Variants in NRG1 observed in about 807,000 individuals in gnomAD.
The protein encoded by NRG1 is pro-neuregulin-1, membrane-bound isoform.
Under a neutral mutation model 63.8 loss-of-function variants are expected in NRG1, and 18 were observed. The ratio of observed to expected loss-of-function variants is 0.28; its 90% CI spans 0.19 to 0.42. NRG1 has a LOEUF of 0.42. NRG1 is among the 10% of genes least tolerant of loss of function. The pLI is 1.00. For missense variants in NRG1, 762 were observed against 814.7 expected, an observed-to-expected ratio of 0.94 and a Z score of 0.79; for synonymous variants, 302 against 301.3, an observed-to-expected ratio of 1.00 and a Z score of -0.02.
chr8:31,641,132 T>G (rs968262458), intron 1 of NRG1, among the ~76,000 whole-genome samples: 2 of 152,152 alleles, frequency 1.3e-5, no homozygotes, highest in Non-Finnish European at 2.9e-5. Context: ...ACGCCTTCCC[T>G]TCACTTGGAG....
chr8:32,366,530 T>C (rs1314905187), intron 1 of NRG1, among the ~76,000 whole-genome samples: 1 of 151,872 alleles, frequency 6.6e-6, no homozygotes, highest in Non-Finnish European at 1.5e-5. Context: ...ACAGATTTCA[T>C]TCTTTTTATG....
intron 5 of NRG1, chr8:32,647,267 G>A (rs1040836629): frequency 6.1e-6 from 6 of 985,266 alleles, no homozygotes; most frequent in Admixed American, 6.1e-5. Flanking sequence ...CGCCACCGCC[G>A]CTGGTCCTCC....
At chr8:32,448,945 A>G (rs1241114855) in intron 1 of NRG1, among the ~76,000 whole-genome samples, 1 of 152,114 alleles carries the variant, frequency 6.6e-6, no homozygotes, top group Non-Finnish European at 1.5e-5. Flanking sequence ...TTGGGAGGTG[A>G]GTCTCTGAAT....
chr8:32,548,983 C>T (rs1446708102), intron 1 of NRG1, among the ~76,000 whole-genome samples, 157 bp downstream of exon 1: 2 of 152,222 alleles, frequency 1.3e-5, no homozygotes, highest in African/African-American at 4.8e-5. Flanking sequence ...TGCTTCCCCT[C>T]CTGGGGGCCG....
chr8:32,536,922 CAAAAAAAAAAAAAAA>C (rs35265022), intron 1 of NRG1, among the ~76,000 whole-genome samples: 1 of 35,914 alleles, frequency 2.8e-5, no homozygotes, highest in African/African-American at 1.5e-4. Flanking sequence ...GACTCCGTCT[CAAAAAAAAAAAAAAA>C]AAAAAAAAAA....
chr8:31,858,344 C>A (rs554301834), intron 1 of NRG1, among the ~76,000 whole-genome samples: 1 of 151,220 alleles, frequency 6.6e-6, no homozygotes, highest in East Asian at 1.9e-4. Context: ...CAACGTTGAC[C>A]ATTCTATGAT....
intron 1 of NRG1, among the ~76,000 whole-genome samples, chr8:31,990,778 A>G (rs1048683787): frequency 3.3e-5 from 5 of 152,030 alleles, no homozygotes; most frequent in South Asian, 4.1e-4. Flanking sequence ...CATGAAGTGA[A>G]GTTGGTTCTG....
rs78451572 is a variant in NRG1 at position 32,124,370 on chromosome 8, C to T, written c.38-471458C>T. Reference sequence around the variant, plus strand: ...TAGAAGATTCTCCAAGCCTGACACTCGGTTGAAGTCTGAGGACTTCACTGA... The same window carrying T: ...TAGAAGATTCTCCAAGCCTGACACTTGGTTGAAGTCTGAGGACTTCACTGA... On this transcript the variant is annotated intron_variant, in intron 1 of 10. Transcript: ENST00000519301. Among the ~76,000 whole-genome samples the T allele has an allele frequency of 1.1e-4, 16 of 151,866 alleles. 1 individual carries two copies. In the East Asian group the frequency reaches 1.4e-3, roughly 13 times the overall value.
chr8:31,687,297 A>G (rs769009946), intron 1 of NRG1, among the ~76,000 whole-genome samples: 14 of 152,214 alleles, frequency 9.2e-5, no homozygotes, highest in Non-Finnish European at 1.9e-4. Flanking sequence ...GTTAAGCCAC[A>G]CTTTAACTTT....
chr8:32,529,279 A>T (rs1483660054), intron 1 of NRG1, among the ~76,000 whole-genome samples: 1 of 152,224 alleles, frequency 6.6e-6, no homozygotes, highest in Non-Finnish European at 1.5e-5. Context: ...ACCTATGTAG[A>T]GCACTTCTCA....
At chr8:32,515,240 A>G (rs1276832904) in intron 1 of NRG1, among the ~76,000 whole-genome samples, 1 of 152,168 alleles carries the variant, frequency 6.6e-6, no homozygotes, top group Admixed American at 6.6e-5. Flanking sequence ...TCAACAGTGT[A>G]TAAGCATTCC....
intron 1 of NRG1, among the ~76,000 whole-genome samples, chr8:32,010,897 T>C (rs184602948): frequency 6.6e-6 from 1 of 152,164 alleles, no homozygotes; most frequent in East Asian, 1.9e-4. Context: ...TTCAGAGGGA[T>C]GATACAAATC....
At chr8:32,192,395 A>G (rs1161404721) in intron 1 of NRG1, among the ~76,000 whole-genome samples, 2 of 152,202 alleles carry the variant, frequency 1.3e-5, no homozygotes, top group East Asian at 3.8e-4. Flanking sequence ...ACACCATGTA[A>G]TACTACGCAG....
intron 1 of NRG1, among the ~76,000 whole-genome samples, chr8:32,335,107 C>T (rs1586886136): frequency 6.6e-6 from 1 of 152,202 alleles, no homozygotes; most frequent in East Asian, 1.9e-4. Flanking sequence ...AGGATTTAAA[C>T]TGAAGTGGTA....
chr8:31,664,491 A>G (rs1405954854), intron 1 of NRG1, among the ~76,000 whole-genome samples: 4 of 152,232 alleles, frequency 2.6e-5, no homozygotes, highest in African/African-American at 7.2e-5. Context: ...CTGATTCTCA[A>G]GAAGAATTGA....
intron 1 of NRG1, among the ~76,000 whole-genome samples, chr8:31,822,665 A>G (rs953889778): frequency 6.6e-6 from 1 of 152,206 alleles, no homozygotes; most frequent in African/African-American, 2.4e-5. Context: ...ACAAAAATTA[A>G]TAATTAATTT....
intron 1 of NRG1, among the ~76,000 whole-genome samples, chr8:31,767,458 A>G (rs868525774): frequency 6.6e-6 from 1 of 152,180 alleles, no homozygotes; most frequent in South Asian, 2.1e-4. Flanking sequence ...TAACAGGAAC[A>G]TTGAACATTC....
intron 1 of NRG1, among the ~76,000 whole-genome samples, chr8:32,090,180 C>G (rs552764571): frequency 6.6e-6 from 1 of 152,304 alleles, no homozygotes; most frequent in South Asian, 2.1e-4. Context: ...CTGATAGAAT[C>G]ATACCTTACA....
chr8:32,579,377 T>A (rs538615195), intron 1 of NRG1, among the ~76,000 whole-genome samples: 1 of 152,206 alleles, frequency 6.6e-6, no homozygotes, highest in South Asian at 2.1e-4. Context: ...TGGGAGGTGA[T>A]CTGACTTTTC....
Sources: allele counts gnomAD v4.1 joint callset (sites outside exome capture counted in the v4.1 genomes callset), GRCh38; gene constraint gnomAD v4.1.1; transcripts MANE v1.5; gene names NCBI Gene and HGNC (gene_info 2026-07-23, HGNC 2026-07-21).